METTL24: variants seen among roughly 807,000 people sequenced by gnomAD.
METTL24 encodes probable methyltransferase-like protein 24.
A neutral mutation model predicts 32.7 loss-of-function variants in METTL24; 29 were observed. The ratio of observed to expected loss-of-function variants is 0.89; its 90% CI spans 0.66 to 1.21. The LOEUF is 1.21. METTL24 is among the 50% of genes most tolerant of loss of function. METTL24 has a pLI of 0.00. For missense variants in METTL24, 439 were observed against 468.1 expected, an observed-to-expected ratio of 0.94 and a Z score of 0.57; for synonymous variants, 163 against 179.5, an observed-to-expected ratio of 0.91 and a Z score of 0.73.
intron 2 of METTL24, among the ~76,000 whole-genome samples, chr6:110,320,410 G>A (rs1373955623): frequency 1.3e-5 from 2 of 152,042 alleles, no homozygotes; most frequent in Admixed American, 6.5e-5. Context: ...GAGGGGGAGG[G>A]AGCATTGGTT....
chr6:110,330,779 A>G (rs962740258), intron 1 of METTL24, among the ~76,000 whole-genome samples: 1 of 152,260 alleles, frequency 6.6e-6, no homozygotes, highest in Non-Finnish European at 1.5e-5. Flanking sequence ...GGACCCAACC[A>G]GGATAACTGC....
intron 3 of METTL24, among the ~76,000 whole-genome samples, chr6:110,307,017 G>C (rs552989940): frequency 6.6e-6 from 1 of 152,216 alleles, no homozygotes; most frequent in Admixed American, 6.5e-5. Context: ...CTGAATAGAT[G>C]AGTGATGACA....
intron 4 of METTL24, among the ~76,000 whole-genome samples, chr6:110,287,717 G>A (rs944214790): frequency 1.3e-5 from 2 of 152,166 alleles, no homozygotes; most frequent in Admixed American, 6.5e-5. Context: ...TGCCTTGTAC[G>A]TTTTGTTTAG....
chr6:110,286,394 C>T (rs1483278090), intron 4 of METTL24, among the ~76,000 whole-genome samples: 1 of 152,162 alleles, frequency 6.6e-6, no homozygotes, highest in Non-Finnish European at 1.5e-5. Context: ...ACAACTAAAT[C>T]ACAATCTCTG....
rs1778126050 is a variant in METTL24 at position 110,245,003 on chromosome 6, A to ATCTATCTATCTATCG, written c.*942_*943insCGATAGATAGATAGA. Reference sequence around the variant, plus strand: ...CTATCTATCTATCTATCTATCTATCATCTATCTATTTATCTACCTACCTAC... The same window carrying ATCTATCTATCTATCG: ...CTATCTATCTATCTATCTATCTATCATCTATCTATCTATCGTCTATCTATTTATCTACCTACCTAC... On this transcript the variant is annotated 3_prime_UTR_variant, in exon 5 of 5. Coordinates refer to ENST00000338882, the MANE Select transcript of METTL24 (RefSeq NM_001123364.3). 1.0e-5 allele frequency among the ~76,000 whole-genome samples: 1 copy of ATCTATCTATCTATCG among 98,406 alleles called. No individual in the cohort carries two copies. The highest frequency in any genetic ancestry group is 9.1e-5 in the Admixed American group (1 of 11,046). The allele number at this position is 98,406 out of a possible 152,430, so 64.6% of individuals were successfully genotyped here.
intron 4 of METTL24, among the ~76,000 whole-genome samples, chr6:110,255,691 T>C (rs879293747): frequency 2.0e-5 from 3 of 152,186 alleles, no homozygotes; most frequent in African/African-American, 7.2e-5. Context: ...GGTTAATTTA[T>C]TTGCAAGTGT....
At chr6:110,261,418 A>G (rs1354091514) in intron 4 of METTL24, among the ~76,000 whole-genome samples, 8 of 152,232 alleles carry the variant, frequency 5.3e-5, no homozygotes, top group Non-Finnish European at 1.0e-4. Context: ...AGAGCTGACT[A>G]TCATAAATAT....
At chr6:110,295,054 G>T (rs1771389009) in intron 4 of METTL24, among the ~76,000 whole-genome samples, 1 of 126,060 alleles carries the variant, frequency 7.9e-6, no homozygotes, top group Admixed American at 9.0e-5. Context: ...GAGGGGTCTG[G>T]CTCTGTCACC....
chr6:110,285,613 C>T (rs1168914083), intron 4 of METTL24, among the ~76,000 whole-genome samples: 2 of 152,186 alleles, frequency 1.3e-5, no homozygotes, highest in Non-Finnish European at 2.9e-5. Flanking sequence ...CATGCCCTTC[C>T]TGTCAAAAGG....
At chr6:110,355,487 A>G (rs1003240437) in intron 1 of METTL24, among the ~76,000 whole-genome samples, 13 of 152,148 alleles carry the variant, frequency 8.5e-5, no homozygotes, top group African/African-American at 3.1e-4. Flanking sequence ...ATTTAATTGT[A>G]ATAAAACTGA....
At chr6:110,262,933 A>T (rs1770776896) in intron 4 of METTL24, among the ~76,000 whole-genome samples, 1 of 152,226 alleles carries the variant, frequency 6.6e-6, no homozygotes, top group Admixed American at 6.5e-5. Flanking sequence ...TTCATGCTAA[A>T]AACTCTCAAT....
intron 1 of METTL24, among the ~76,000 whole-genome samples, chr6:110,326,074 C>T (rs905071832): frequency 6.6e-6 from 1 of 152,222 alleles, no homozygotes; most frequent in African/African-American, 2.4e-5. Flanking sequence ...CAGAATTCCT[C>T]TTCCGCAAGG....
Position 110,358,261 on chromosome 6 carries a change from C to T in METTL24, c.12G>A (p.Glu4=). MAR[E]RPPGRGCGVL... is the part of the protein sequence containing the mutation. ...CGCCGCAGCCCCTCCCGGGCGGCCT[C>T]TCCCGGGCCATGGCGCTACACTCGG... Residue 4 remains glutamate, a synonymous_variant, in exon 1 of 5, where the codon GAG becomes GAA. Transcript: ENST00000338882. 1.4e-6 allele frequency: 2 copies of T among 1,478,328 alleles called. No homozygotes were observed. Among genetic ancestry groups the T allele is most frequent in the Non-Finnish European group, 1.8e-6 (2 of 1,121,586 alleles). 91.6% of individuals were successfully genotyped at this position (1,478,328 alleles called of 1,614,324 possible). A position where few individuals can be genotyped will look rare whatever the true frequency, so the allele number is the denominator to read the frequency against.
chr6:110,272,720 T>A lies in METTL24; in HGVS notation c.786+26202A>T, dbSNP rs559297068. Among the ~76,000 whole-genome samples the A allele has an allele frequency of 1.7e-3, 255 of 152,302 alleles. 1 individual carries two copies. The highest frequency in any genetic ancestry group is 6.6e-3 in the South Asian group (32 of 4,824). On this transcript the variant is annotated intron_variant, in intron 4 of 4. Transcript: ENST00000338882. Reference sequence around the variant, plus strand: ...TGGTTTGCATTTCCCTGATAATTAGTGTTGTTGAGTATTTTTTCATATATT... The same window carrying A: ...TGGTTTGCATTTCCCTGATAATTAGAGTTGTTGAGTATTTTTTCATATATT...
In METTL24 at chr6:110,265,145, GAAA is replaced by G. The variant is rs1770829221; in HGVS notation, c.787-18888_787-18886del. Among the ~76,000 whole-genome samples, 187 of 57,954 alleles carry G rather than the reference GAAA, an allele frequency of 3.2e-3. 1 individual carries two copies. Among genetic ancestry groups the G allele is most frequent in the African/African-American group, 0.016 (165 of 10,452 alleles). The allele number at this position is 57,954 out of a possible 152,430, so 38.0% of individuals were successfully genotyped here. A position where few individuals can be genotyped will look rare whatever the true frequency, so the allele number is the denominator to read the frequency against. On this transcript the variant is annotated intron_variant, in intron 4 of 4. Transcript: ENST00000338882. ...ATAAAAAAGGAAAGAAAGAAAGAAA[GAAA>G]GAAAGAAAGAAAGAAAGAAAGAAAG...
intron 4 of METTL24, among the ~76,000 whole-genome samples, chr6:110,267,946 T>C (rs959133252): frequency 4.2e-4 from 64 of 152,226 alleles, no homozygotes; most frequent in African/African-American, 1.5e-3. Flanking sequence ...CACTCACTAT[T>C]TCAAGGACAG....
chr6:110,284,522 G>A (rs1051007224), intron 4 of METTL24, among the ~76,000 whole-genome samples: 3 of 152,110 alleles, frequency 2.0e-5, no homozygotes, highest in Non-Finnish European at 2.9e-5. Flanking sequence ...GAGAAAGATG[G>A]ATGGGGATGT....
intron 4 of METTL24, among the ~76,000 whole-genome samples, chr6:110,251,961 T>C (rs1204146599): frequency 1.3e-5 from 2 of 152,128 alleles, no homozygotes; most frequent in African/African-American, 4.8e-5. Context: ...CTAGCCAACA[T>C]GGCGAAATCC....
At chr6:110,268,133 A>T (rs1770891523) in intron 4 of METTL24, among the ~76,000 whole-genome samples, 1 of 152,190 alleles carries the variant, frequency 6.6e-6, no homozygotes, top group South Asian at 2.1e-4. Context: ...CAATCTTCAA[A>T]CAAGCAAATG....
Sources: allele counts gnomAD v4.1 joint callset (sites outside exome capture counted in the v4.1 genomes callset), GRCh38; gene constraint gnomAD v4.1.1; transcripts MANE v1.5; gene names NCBI Gene and HGNC (gene_info 2026-07-23, HGNC 2026-07-21).